HERC3: variants seen among roughly 807,000 people sequenced by gnomAD.
HERC3 encodes probable E3 ubiquitin-protein ligase HERC3.
A neutral mutation model predicts 129.9 loss-of-function variants in HERC3; 58 were observed. The observed-to-expected ratio is 0.45, with a 90% confidence interval of 0.36 to 0.56. HERC3 has a LOEUF of 0.56. Ranked by LOEUF, HERC3 falls within the 20% of genes least tolerant of loss-of-function variation. The pLI is 0.00. For synonymous variants in HERC3, 430 were observed against 451.0 expected (o/e 0.95, Z 0.59); for missense variants, 835 against 1,244.2 (o/e 0.67, Z 4.95).
the HERC3 span, among the ~76,000 whole-genome samples, chr4:88,549,930 G>T: frequency 1.3e-5 from 2 of 152,154 alleles, no homozygotes; most frequent in African/African-American, 4.8e-5. Context: ...CACCTAGAAA[G>T]TCAGGATACG....
intron 16 of HERC3, among the ~76,000 whole-genome samples, chr4:88,674,053 A>G (rs1731894645): frequency 1.3e-5 from 2 of 152,242 alleles, no homozygotes; most frequent in African/African-American, 4.8e-5. Flanking sequence ...AACAGAGAGA[A>G]TGGTGACCCT....
At chr4:88,639,070 C>CTTT (rs748089561) in intron 3 of HERC3, among the ~76,000 whole-genome samples, 1 of 152,104 alleles carries the variant, frequency 6.6e-6, no homozygotes, top group Non-Finnish European at 1.5e-5. Flanking sequence ...AACTACAAAC[C>CTTT]ACTTTTCAAG....
chr4:88,549,320 TAAA>T, the HERC3 span, among the ~76,000 whole-genome samples: 38 of 148,610 alleles, frequency 2.6e-4, no homozygotes, highest in African/African-American at 9.3e-4. Context: ...TAACTTTTTT[TAAA>T]AAAAAAAACA....
the HERC3 span, among the ~76,000 whole-genome samples, chr4:88,547,485 A>C: frequency 6.6e-6 from 1 of 152,308 alleles, no homozygotes; most frequent in Non-Finnish European, 1.5e-5. Flanking sequence ...AAGGGATTAC[A>C]TACTTATTAG....
intron 3 of HERC3, 58 bp downstream of exon 3, chr4:88,606,107 T>G (rs1400375894): frequency 7.3e-7 from 1 of 1,378,518 alleles, no homozygotes; most frequent in Non-Finnish European, 1.0e-6. Flanking sequence ...GAGGACACAA[T>G]GGCAGAGGGC....
chr4:88,627,251 G>A (rs1292348084), intron 3 of HERC3, among the ~76,000 whole-genome samples: 5 of 151,736 alleles, frequency 3.3e-5, no homozygotes, highest in African/African-American at 4.8e-5. Context: ...TTTCATCAGA[G>A]TACAGTTAGC....
chr4:88,596,822 C>T (rs1037431646), intron 2 of HERC3, among the ~76,000 whole-genome samples: 2 of 152,180 alleles, frequency 1.3e-5, no homozygotes, highest in African/African-American at 2.4e-5. Flanking sequence ...AATCATTACC[C>T]GCTATTTTGT....
chr4:88,615,652 A>G (rs1467100477), intron 3 of HERC3, among the ~76,000 whole-genome samples: 2 of 152,184 alleles, frequency 1.3e-5, no homozygotes, highest in African/African-American at 4.8e-5. Context: ...TAGTTTCCTT[A>G]GTTGTAAATG....
chr4:88,683,545 A>C (rs1733049066), intron 21 of HERC3, among the ~76,000 whole-genome samples: 1 of 152,222 alleles, frequency 6.6e-6, no homozygotes, highest in Admixed American at 6.5e-5. Context: ...ATTTCAAGTA[A>C]TGACTTTGGC....
intron 3 of HERC3, among the ~76,000 whole-genome samples, chr4:88,608,346 A>G (rs1485208875): frequency 6.6e-6 from 1 of 152,210 alleles, no homozygotes; most frequent in Admixed American, 6.5e-5. Flanking sequence ...ATCTGGGGGC[A>G]GTACCCCATG....
chr4:88,641,330 G>A (rs1728065985), intron 3 of HERC3, among the ~76,000 whole-genome samples: 1 of 152,148 alleles, frequency 6.6e-6, no homozygotes, highest in Non-Finnish European at 1.5e-5. Flanking sequence ...AGAGAACTTT[G>A]TGGCATTAAA....
chr4:88,697,964 T>A, intron 23 of HERC3: 1 of 650,596 alleles, frequency 1.5e-6, no homozygotes, highest in Non-Finnish European at 2.6e-6. Flanking sequence ...ACCAGATTCC[T>A]CCTGTTGCTA....
At chr4:88,538,786 G>C in the HERC3 span, among the ~76,000 whole-genome samples, 1 of 151,936 alleles carries the variant, frequency 6.6e-6, no homozygotes, top group Non-Finnish European at 1.5e-5. Context: ...CTCGTGATCT[G>C]CCCGCCTCGG....
the HERC3 span, among the ~76,000 whole-genome samples, chr4:88,586,450 C>T: frequency 6.6e-6 from 1 of 150,430 alleles, no homozygotes; most frequent in Non-Finnish European, 1.5e-5. Context: ...CCTCCACCTT[C>T]TGGGTTCAAG....
intron 3 of HERC3, among the ~76,000 whole-genome samples, chr4:88,613,320 C>T (rs376256141): frequency 2.4e-4 from 36 of 152,328 alleles, no homozygotes; most frequent in African/African-American, 8.4e-4. Flanking sequence ...GTGATTGGTT[C>T]CTTTTACTTT....
At chr4:88,677,455 TCTGA>T (rs1732290340) in intron 18 of HERC3, among the ~76,000 whole-genome samples, 1 of 152,136 alleles carries the variant, frequency 6.6e-6, no homozygotes, top group Non-Finnish European at 1.5e-5. Flanking sequence ...TCTCCATCTC[TCTGA>T]CTGTCTGCTT....
At chr4:88,543,918 C>T in the HERC3 span, among the ~76,000 whole-genome samples, 1 of 152,232 alleles carries the variant, frequency 6.6e-6, no homozygotes, top group Middle Eastern at 3.4e-3. Flanking sequence ...CAAAAATTAA[C>T]TCAAGATGGA....
chr4:88,698,535 G>A (rs1265702923), intron 23 of HERC3, among the ~76,000 whole-genome samples: 2 of 152,026 alleles, frequency 1.3e-5, no homozygotes, highest in African/African-American at 4.8e-5. Context: ...TCTTTGGCCT[G>A]TGGGAAGGAC....
At chr4:88,696,887 G>C (rs973893306) in intron 23 of HERC3, 1 of 278,904 alleles carries the variant, frequency 3.6e-6, no homozygotes, top group Non-Finnish European at 6.6e-6. Flanking sequence ...TCAAAGTGAC[G>C]TTCTTTACTT....
Sources: gnomAD v4.1 joint callset for allele counts (sites outside exome capture counted in the v4.1 genomes callset) on GRCh38, gnomAD v4.1.1 for gene constraint, MANE v1.5 for transcripts, NCBI Gene and HGNC (gene_info 2026-07-23, HGNC 2026-07-21) for gene names.